PRKAR1B: variants seen among roughly 807,000 people sequenced by gnomAD.
PRKAR1B encodes the protein protein kinase cAMP-dependent type I regulatory subunit beta.
A neutral mutation model predicts 46.5 loss-of-function variants in PRKAR1B; 22 were observed. The observed-to-expected ratio is 0.47, with a 90% CI of 0.34 to 0.68. PRKAR1B has a LOEUF of 0.68. Among genes scored for constraint, PRKAR1B ranks in the 30% least tolerant of loss-of-function variants. The probability of loss-of-function intolerance (pLI) is 0.01; values close to 1 mark genes in which losing one functional copy is unlikely to be tolerated. For missense variants in PRKAR1B, 445 were observed against 535.6 expected (o/e 0.83, Z 1.67); for synonymous variants, 259 against 217.7 (o/e 1.19, Z -1.67).
At chr7:631,193 C>T (rs1312247802) in intron 4 of PRKAR1B, among the ~76,000 whole-genome samples, 3 of 152,162 alleles carry the variant, frequency 2.0e-5, no homozygotes, top group African/African-American at 7.2e-5. Flanking sequence ...TCAAGTGATC[C>T]GCCCACCTTG....
rs971119782 is a variant in PRKAR1B, at chr7:602,848, C to T, written c.549+3345G>A. 2.0e-5 allele frequency among the ~76,000 whole-genome samples: 3 copies of T among 152,126 alleles called. No individual in the cohort carries two copies. Among genetic ancestry groups the T allele is most frequent in the South Asian group, 2.1e-4 (1 of 4,826 alleles). ...TTTTCTGAGTAATATGGAAATGGCA[C>T]GGCTCAGCCACACAAGGGCCTGGGC... On this transcript the variant is annotated intron_variant, in intron 6 of 10. Transcript: ENST00000537384. This position sits in a 1 kb window ranked among gnomAD's most constrained non-coding sequence, Gnocchi z 6.4.
At chr7:711,954 C>A (rs902370113) in intron 1 of PRKAR1B, among the ~76,000 whole-genome samples, 1 of 150,914 alleles carries the variant, frequency 6.6e-6, no homozygotes, top group South Asian at 2.1e-4. Context: ...GGCCCCTGCG[C>A]GCGGCCTCAG....
rs370813699 is a variant in PRKAR1B at position 677,246 on chromosome 7, C to G, written c.423G>C (p.Leu141=). Residue 141 remains leucine, a synonymous_variant, in exon 4 of 11, where the codon CTG becomes CTC. Transcript: ENST00000537384. ...AISKNVLFAH[L]DDNERSDIFD... is the part of the protein sequence containing the mutation. ...CTGCCTACCTCCTCTCGTTGTCATCCAGGTGAGCGAAGAGCACGTTCTTGG... is the reference window on the plus strand; with the variant it reads ...CTGCCTACCTCCTCTCGTTGTCATCGAGGTGAGCGAAGAGCACGTTCTTGG... 3.1e-6 allele frequency: 5 copies of G among 1,614,106 alleles called. No homozygotes were observed. The African/African-American group carries it at 6.7e-5, about 22-fold the overall frequency.
At chr7:587,657 G>T (rs1780673773) in intron 7 of PRKAR1B, among the ~76,000 whole-genome samples, 2 of 152,348 alleles carry the variant, frequency 1.3e-5, no homozygotes, top group East Asian at 3.9e-4. Flanking sequence ...CCACAGTTGG[G>T]GGTGGGAAAG....
chr7:728,336 G>T (rs1781436285), upstream of PRKAR1B, among the ~76,000 whole-genome samples: 1 of 152,212 alleles, frequency 6.6e-6, no homozygotes, highest in Non-Finnish European at 1.5e-5. Context: ...AGCTCAGGCC[G>T]TCCCAGTGAT....
intron 4 of PRKAR1B, among the ~76,000 whole-genome samples, chr7:617,898 C>A (rs1413277615): frequency 6.6e-6 from 1 of 152,184 alleles, no homozygotes; most frequent in Non-Finnish European, 1.5e-5. Context: ...AGCCTAGACA[C>A]CCCGCCCCTG....
At chr7:555,256 G>A (rs1220330981) in intron 9 of PRKAR1B, among the ~76,000 whole-genome samples, 5 of 152,192 alleles carry the variant, frequency 3.3e-5, no homozygotes, top group East Asian at 1.9e-4. Context: ...GCAAGGAAGC[G>A]GCAGGGATGG....
intron 4 of PRKAR1B, among the ~76,000 whole-genome samples, chr7:626,553 G>A (rs1343289156): frequency 1.3e-5 from 2 of 152,122 alleles, no homozygotes; most frequent in African/African-American, 4.8e-5. Flanking sequence ...GTGTTCACTA[G>A]TTAATTCTAC....
intron 1 of PRKAR1B, chr7:726,704 C>T: frequency 8.1e-7 from 1 of 1,237,000 alleles, no homozygotes; most frequent in African/African-American, 1.6e-5. Context: ...CCCTTAGTGA[C>T]CGGCGACGCG....
At chr7:727,037 G>A (rs1188999670) in intron 1 of PRKAR1B, 173 bp downstream of exon 1, 3 of 1,124,334 alleles carry the variant, frequency 2.7e-6, no homozygotes, top group South Asian at 4.2e-5. Flanking sequence ...GGCCTGCGCC[G>A]CGCCGCGCGG....
In PRKAR1B at chr7:560,062, C is replaced by G. The variant is rs1008241595; in HGVS notation, c.892-8592G>C. Among the ~76,000 whole-genome samples, 1 of 152,150 alleles carries G rather than the reference C, an allele frequency of 6.6e-6. No individual in the cohort carries two copies. Among genetic ancestry groups the G allele is most frequent in the African/African-American group, 2.4e-5 (1 of 41,424 alleles). ...TAATAATGACAAGGTTTGGCGGTGTCCCCACCCAAATCTCATCTTGAGTTG... is the reference window on the plus strand; with the variant it reads ...TAATAATGACAAGGTTTGGCGGTGTGCCCACCCAAATCTCATCTTGAGTTG... On this transcript the variant is annotated intron_variant, in intron 9 of 10. Coordinates refer to ENST00000537384, the MANE Select transcript of PRKAR1B (RefSeq NM_001164760.2). The surrounding 1 kb of genome is among the most constrained non-coding windows in gnomAD (Gnocchi z 4.2).
At position 560,882 on chromosome 7, in the gene PRKAR1B, C is replaced by T. The variant is rs755028776; in HGVS notation, c.892-9412G>A. Among the ~76,000 whole-genome samples the T allele has an allele frequency of 6.6e-6, 1 of 152,174 alleles. No homozygotes were observed. The highest frequency in any genetic ancestry group is 1.5e-5 in the Non-Finnish European group (1 of 68,030). On this transcript the variant is annotated intron_variant, in intron 9 of 10. Coordinates refer to ENST00000537384, the MANE Select transcript of PRKAR1B (RefSeq NM_001164760.2). This position sits in a 1 kb window ranked among gnomAD's most constrained non-coding sequence, Gnocchi z 4.2. ...TCTCAGGGCCACGGGGGCCACGACA[C>T]GTTCCTCCCTCCAGTGAGACTCCTC...
At chr7:607,233 C>T (rs12720021) in intron 5 of PRKAR1B, among the ~76,000 whole-genome samples, 158 bp downstream of exon 5, 1 of 152,164 alleles carries the variant, frequency 6.6e-6, no homozygotes. Flanking sequence ...AGGCTGGTCT[C>T]GAACCCCTGA....
intron 2 of PRKAR1B, among the ~76,000 whole-genome samples, chr7:706,365 GA>G (rs75550693): frequency 0.63 from 94,158 of 148,498 alleles, 30,054 homozygotes; most frequent in South Asian, 0.67. Flanking sequence ...ATAATCTTCG[GA>G]AAGATCACAT....
chr7:553,935 G>A (rs1012489772), intron 9 of PRKAR1B, among the ~76,000 whole-genome samples: 4 of 152,268 alleles, frequency 2.6e-5, no homozygotes, highest in East Asian at 1.9e-4. Flanking sequence ...CAGACCGGGC[G>A]GCTGAGTGCC....
intron 2 of PRKAR1B, among the ~76,000 whole-genome samples, chr7:681,340 AG>A (rs760062567): frequency 2.0e-5 from 3 of 150,732 alleles, no homozygotes; most frequent in African/African-American, 2.4e-5. Flanking sequence ...AAAAAAAAAA[AG>A]AATTAGCTGT....
intron 7 of PRKAR1B, among the ~76,000 whole-genome samples, chr7:586,327 G>A (rs905850038): frequency 2.6e-5 from 4 of 151,432 alleles, no homozygotes; most frequent in African/African-American, 7.4e-5. Context: ...TAGGGCTGAC[G>A]GATGCAACTA....
intron 7 of PRKAR1B, among the ~76,000 whole-genome samples, chr7:586,946 C>G (rs889331080): frequency 2.0e-5 from 3 of 146,822 alleles, no homozygotes; most frequent in African/African-American, 7.6e-5. Flanking sequence ...TGTAGTGGTG[C>G]GATCTCGGCT....
At chr7:726,578 A>ACGATT in intron 1 of PRKAR1B, 1 of 516,382 alleles carries the variant, frequency 1.9e-6, no homozygotes, top group Non-Finnish European at 2.6e-6. Context: ...GGCGAGCACG[A>ACGATT]CAAGAGCACA....
Sources: allele counts gnomAD v4.1 joint callset (sites outside exome capture counted in the v4.1 genomes callset), GRCh38; gene constraint gnomAD v4.1.1; non-coding constraint Gnocchi (gnomAD v3.1); transcripts MANE v1.5; gene names NCBI Gene and HGNC (gene_info 2026-07-23, HGNC 2026-07-21).